Variants in DLGAP4 observed in about 807,000 individuals in gnomAD.
The protein encoded by DLGAP4 is disks large-associated protein 4.
Under a neutral mutation model 86.9 loss-of-function variants are expected in DLGAP4, and 18 were observed. That is an observed-to-expected ratio of 0.21 (90% CI 0.14 to 0.31). The LOEUF (loss-of-function observed/expected upper bound fraction) is 0.31, where lower values mean the gene tolerates loss of function less well. Among genes scored for constraint, DLGAP4 ranks in the 10% least tolerant of loss-of-function variants. DLGAP4 has a pLI of 1.00. For missense variants in DLGAP4, 1,085 were observed against 1,362.6 expected (o/e 0.80, Z 3.21); for synonymous variants, 548 against 574.3 (o/e 0.95, Z 0.65).
intron 2 of DLGAP4, among the ~76,000 whole-genome samples, chr20:36,399,511 C>G (rs910493058): frequency 2.6e-5 from 4 of 152,222 alleles, no homozygotes; most frequent in African/African-American, 9.6e-5. Flanking sequence ...TGGGAATGGC[C>G]AGCCAAGGGA....
At chr20:36,337,861 C>T (rs1428077310) in intron 1 of DLGAP4, among the ~76,000 whole-genome samples, 1 of 152,218 alleles carries the variant, frequency 6.6e-6, no homozygotes, top group Non-Finnish European at 1.5e-5. Flanking sequence ...TGTCAGCCTG[C>T]TGGGCACCCA....
intron 4 of DLGAP4, among the ~76,000 whole-genome samples, chr20:36,438,082 A>G (rs1347726487): frequency 1.3e-5 from 2 of 152,098 alleles, no homozygotes; most frequent in African/African-American, 4.8e-5. Flanking sequence ...TTTTTTAAAT[A>G]ATTTTTTGTG....
In DLGAP4 at chr20:36,500,054, T is replaced by C. The variant is rs945687206; in HGVS notation, c.2100-145T>C. On this transcript the variant is annotated intron_variant, in intron 9 of 12. Coordinates refer to ENST00000339266, the MANE Select transcript of DLGAP4 (RefSeq NM_001365621.2). This position sits in a 1 kb window ranked among gnomAD's most constrained non-coding sequence, Gnocchi z 4.6. ...TGAGCCAAGAATGAGATGGGGGCTG[T>C]GGGACCCGCTTCAGGCGCATGGTGA... The C allele has an allele frequency of 2.1e-6, 2 of 964,730 alleles. No homozygotes were observed. Among genetic ancestry groups the C allele is most frequent in the Admixed American group, 2.9e-5 (1 of 34,094 alleles). The allele number at this position is 964,730 out of a possible 1,614,324, so 59.8% of individuals were successfully genotyped here.
intron 1 of DLGAP4, among the ~76,000 whole-genome samples, chr20:36,327,870 C>T (rs1349639655): frequency 6.8e-6 from 1 of 146,210 alleles, no homozygotes; most frequent in Admixed American, 6.8e-5. Flanking sequence ...GGATTACAGG[C>T]GTGAGCCACC....
At chr20:36,526,553 G>T (rs2037778305) in intron 12 of DLGAP4, among the ~76,000 whole-genome samples, 1 of 152,074 alleles carries the variant, frequency 6.6e-6, no homozygotes, top group Non-Finnish European at 1.5e-5. Context: ...TTCAACATGA[G>T]GGTGGACAAT....
chr20:36,442,688 C>A (rs1213339328), intron 5 of DLGAP4, 39 bp from the exon 6 acceptor site: 5 of 1,612,476 alleles, frequency 3.1e-6, no homozygotes, highest in Non-Finnish European at 4.2e-6. Context: ...CAGCCCCAGC[C>A]CTGGTCCTTC....
chr20:36,499,686 A>T lies in DLGAP4; in HGVS notation c.2099+10A>T. On this transcript the variant is annotated intron_variant, in intron 9 of 12. Coordinates refer to ENST00000339266, the MANE Select transcript of DLGAP4 (RefSeq NM_001365621.2). The stretch of plus-strand genomic sequence containing the variant: ...TAGAGGACGACTGGCGGTAAGTCGG[A>T]CAGAGGTGGCGGCTGCTTCTCCCCT... The T allele has an allele frequency of 6.2e-7, 1 of 1,612,058 alleles. No individual in the cohort carries two copies.
intron 1 of DLGAP4, among the ~76,000 whole-genome samples, chr20:36,358,464 A>G (rs2030405865): frequency 1.3e-5 from 2 of 152,250 alleles, no homozygotes; most frequent in African/African-American, 2.4e-5. Flanking sequence ...TGCCTGGCCC[A>G]GAGCAGGGAT....
chr20:36,465,637 G>T (rs1178527589), intron 7 of DLGAP4, among the ~76,000 whole-genome samples: 1 of 152,132 alleles, frequency 6.6e-6, no homozygotes, highest in Non-Finnish European at 1.5e-5. Context: ...GCTGGGTGGG[G>T]ACTGAGTCAC....
rs1405520826 is a variant in DLGAP4, at chr20:36,350,861, AT to A, written c.-303-16182del. ...TCTGCTGCCCCAGAGGCTGCTTGTG[AT>A]TGGGGGAAGGAGGGCTGTCCCTGCC... On this transcript the variant is annotated intron_variant, in intron 1 of 12. Coordinates refer to ENST00000339266, the MANE Select transcript of DLGAP4 (RefSeq NM_001365621.2). This position sits in a 1 kb window ranked among gnomAD's most constrained non-coding sequence, Gnocchi z 4.4. 6.6e-6 allele frequency among the ~76,000 whole-genome samples: 1 copy of A among 152,068 alleles called. No individual in the cohort carries two copies. The highest frequency in any genetic ancestry group is 1.5e-5 in the Non-Finnish European group (1 of 67,990).
chr20:36,412,230 T>A (rs1027723943), intron 2 of DLGAP4, among the ~76,000 whole-genome samples: 3 of 152,222 alleles, frequency 2.0e-5, no homozygotes, highest in Admixed American at 1.3e-4. Context: ...GGGGCCGGAA[T>A]GAAACAGGGC....
At chr20:36,497,236 C>T (rs889452550) in intron 8 of DLGAP4, 170 bp downstream of exon 8, 12 of 985,296 alleles carry the variant, frequency 1.2e-5, no homozygotes, top group East Asian at 1.1e-4. Flanking sequence ...AGCCACGCCT[C>T]GCTGGTATCT....
At chr20:36,389,065 G>A (rs965357499) in intron 2 of DLGAP4, among the ~76,000 whole-genome samples, 3 of 152,162 alleles carry the variant, frequency 2.0e-5, no homozygotes, top group Non-Finnish European at 2.9e-5. Flanking sequence ...GGAGAAGACC[G>A]GGAAGAGCAG....
chr20:36,490,151 C>T (rs1029285134), intron 7 of DLGAP4, among the ~76,000 whole-genome samples: 1 of 152,068 alleles, frequency 6.6e-6, no homozygotes, highest in African/African-American at 2.4e-5. Context: ...AGCCTCCGCG[C>T]CCGGCCAGTG....
intron 2 of DLGAP4, among the ~76,000 whole-genome samples, chr20:36,374,444 G>A (rs535335502): frequency 1.3e-5 from 2 of 152,352 alleles, no homozygotes; most frequent in South Asian, 4.1e-4. Context: ...GCATGTGGTG[G>A]GAGTGCAACT....
Position 36,395,742 on chromosome 20 carries a change from G to A in DLGAP4, c.-73+28467G>A, listed in dbSNP as rs373614903. Among the ~76,000 whole-genome samples, 3 of 151,970 alleles carry A rather than the reference G, an allele frequency of 2.0e-5. No homozygotes were observed. The East Asian group carries it at 5.8e-4, about 29-fold the overall frequency. The stretch of plus-strand genomic sequence containing the variant: ...TCAAACTCCTGACCTCAGGTGATCC[G>A]CCCGCCTCGGCCTCCCAAAGTCCCG... On this transcript the variant is annotated intron_variant, in intron 2 of 12. Coordinates refer to ENST00000339266, the MANE Select transcript of DLGAP4 (RefSeq NM_001365621.2).
chr20:36,326,608 T>C (rs1372381497), intron 1 of DLGAP4, among the ~76,000 whole-genome samples: 1 of 152,234 alleles, frequency 6.6e-6, no homozygotes, highest in Non-Finnish European at 1.5e-5. Flanking sequence ...TAGAGATATT[T>C]AAATAATAAG....
At chr20:36,492,983 C>T (rs997460343) in intron 7 of DLGAP4, 3 of 152,068 alleles carry the variant, frequency 2.0e-5, no homozygotes, top group African/African-American at 4.8e-5. Flanking sequence ...GTCAGAGAAC[C>T]AGCCCAGACT....
intron 10 of DLGAP4, among the ~76,000 whole-genome samples, chr20:36,503,479 CTTTTTTTTTT>C (rs982287997): frequency 9.1e-6 from 1 of 109,906 alleles, no homozygotes; most frequent in African/African-American, 4.8e-5. Context: ...CATATATGGC[CTTTTTTTTTT>C]TTTTTTTTTT....
Sources: gnomAD v4.1 joint callset for allele counts (sites outside exome capture counted in the v4.1 genomes callset) on GRCh38, gnomAD v4.1.1 for gene constraint, Gnocchi (gnomAD v3.1) non-coding constraint, MANE v1.5 for transcripts, NCBI Gene and HGNC (gene_info 2026-07-23, HGNC 2026-07-21) for gene names.